The following RBFOX3 variants were observed in gnomAD, a reference collection of about 807,000 sequenced individuals.
The protein encoded by RBFOX3 is RNA binding fox-1 homolog 3.
Under a neutral mutation model 48.7 loss-of-function variants are expected in RBFOX3, and 17 were observed. That is an observed-to-expected ratio of 0.35 (90% CI 0.24 to 0.52). The LOEUF (loss-of-function observed/expected upper bound fraction) is 0.52. Ranked by LOEUF, RBFOX3 falls within the 20% of genes least tolerant of loss-of-function variation. The pLI is 0.94. For synonymous variants in RBFOX3, 212 were observed against 209.5 expected (o/e 1.01, Z -0.10); for missense variants, 382 against 497.5 (o/e 0.77, Z 2.21).
In RBFOX3 at chr17:79,430,607, G is replaced by A. The variant is rs908489518; in HGVS notation, c.-175+51847C>T. ...TGTCACCCAGGTGGAGTACAGTGGC[G>A]CCATCTCAGCTCACTGCAACCACCG... On this transcript the variant is annotated intron_variant, in intron 2 of 14. Coordinates refer to ENST00000693108, the MANE Select transcript of RBFOX3 (RefSeq NM_001350451.2). 8.5e-5 allele frequency among the ~76,000 whole-genome samples: 13 copies of A among 152,310 alleles called. No individual in the cohort carries two copies. The East Asian group carries it at 1.2e-3, about 14-fold the overall frequency.
upstream of RBFOX3, among the ~76,000 whole-genome samples, chr17:79,611,169 T>TCCTCTCTCTCTCTCTCTCTCTCTCTCG (rs1359138866): frequency 3.9e-5 from 1 of 25,908 alleles, no homozygotes. Flanking sequence ...TCTCTCTCTC[T>TCCTCTCTCTCTCTCTCTCTCTCTCTCG]CTCTCCGCCC....
At chr17:79,548,318 C>T (rs2090739870) in intron 1 of RBFOX3, among the ~76,000 whole-genome samples, 1 of 152,172 alleles carries the variant, frequency 6.6e-6, no homozygotes, top group Non-Finnish European at 1.5e-5. Flanking sequence ...TCTGGACACA[C>T]CCCCACCTCA....
chr17:79,152,016 GCT>G (rs2044638163), intron 4 of RBFOX3, among the ~76,000 whole-genome samples: 3 of 151,900 alleles, frequency 2.0e-5, no homozygotes, highest in African/African-American at 7.3e-5. Flanking sequence ...AGGGGAGAAC[GCT>G]AAGAAATGGG....
intron 2 of RBFOX3, among the ~76,000 whole-genome samples, chr17:79,346,669 T>C (rs1316319959): frequency 1.3e-5 from 2 of 152,320 alleles, no homozygotes; most frequent in South Asian, 2.1e-4. Flanking sequence ...TCAATATAGA[T>C]CAACATGGGG....
intron 4 of RBFOX3, among the ~76,000 whole-genome samples, chr17:79,161,900 C>T (rs1221998849): frequency 6.6e-6 from 1 of 152,200 alleles, no homozygotes; most frequent in Non-Finnish European, 1.5e-5. Context: ...GCCACACCCA[C>T]ACTCTGTGGG....
At chr17:79,510,615 G>A (rs1281106733) in intron 1 of RBFOX3, among the ~76,000 whole-genome samples, 2 of 152,234 alleles carry the variant, frequency 1.3e-5, no homozygotes, top group African/African-American at 4.8e-5. Flanking sequence ...GCCTGTCTGG[G>A]AGGGAGCAGA....
rs368668767 is a variant in RBFOX3 at position 79,219,714 on chromosome 17, C to G, written c.-34+16052G>C. On this transcript the variant is annotated intron_variant, in intron 4 of 14. Coordinates refer to ENST00000693108, the MANE Select transcript of RBFOX3 (RefSeq NM_001350451.2). ...TCTGGGCTCAGAGCTCCGGGGAGGT[C>G]GGCTGGGGCTCACAGCCATGCTTCA... 1.4e-4 allele frequency among the ~76,000 whole-genome samples: 21 copies of G among 152,120 alleles called. No homozygotes were observed. The East Asian group carries it at 2.1e-3, about 15-fold the overall frequency.
the RBFOX3 span, among the ~76,000 whole-genome samples, chr17:79,660,202 A>G: frequency 6.6e-6 from 1 of 152,164 alleles, no homozygotes; most frequent in East Asian, 1.9e-4. Context: ...AAAAAAATCA[A>G]AAATCAAAAA....
At chr17:79,365,446 CTGTGA>C (rs2057598161) in intron 2 of RBFOX3, among the ~76,000 whole-genome samples, 1 of 152,250 alleles carries the variant, frequency 6.6e-6, no homozygotes, top group South Asian at 2.1e-4. Context: ...CATTAAATGC[CTGTGA>C]TAACACTTTA....
At chr17:79,369,870 C>T (rs1384809563) in intron 2 of RBFOX3, among the ~76,000 whole-genome samples, 4 of 152,204 alleles carry the variant, frequency 2.6e-5, no homozygotes, top group Non-Finnish European at 5.9e-5. Flanking sequence ...CCCTCTTTCC[C>T]TCTCAAAGAA....
chr17:79,190,414 C>CAAAAAAAAA (rs71161650), intron 4 of RBFOX3, among the ~76,000 whole-genome samples: 9 of 93,510 alleles, frequency 9.6e-5, no homozygotes, highest in South Asian at 3.6e-4. Flanking sequence ...TCTGTCTCAC[C>CAAAAAAAAA]AAAAAAAAAA....
rs372817812 is a variant in RBFOX3 at position 79,477,332 on chromosome 17, G to A, written c.-175+5122C>T. On this transcript the variant is annotated intron_variant, in intron 2 of 14. Coordinates refer to ENST00000693108, the MANE Select transcript of RBFOX3 (RefSeq NM_001350451.2). This position sits in a 1 kb window ranked among gnomAD's most constrained non-coding sequence, Gnocchi z 4.8. ...AGCACTTTGGGAGGCCAAGGCAGGT[G>A]GATCACGAGGTCAGGAGATCGAGAT... Among the ~76,000 whole-genome samples, 14,636 of 150,270 alleles carry A rather than the reference G, an allele frequency of 0.097. 963 individuals carry two copies. The highest frequency in any genetic ancestry group is 0.24 in the East Asian group (1,211 of 5,038).
intron 1 of RBFOX3, among the ~76,000 whole-genome samples, chr17:79,511,941 G>A (rs2084322848): frequency 3.1e-5 from 4 of 130,942 alleles, no homozygotes; most frequent in African/African-American, 5.8e-5. Context: ...GTTACCATCG[G>A]ATACAGCCCC....
chr17:79,261,534 C>T (rs905630118), intron 3 of RBFOX3, among the ~76,000 whole-genome samples: 2 of 152,218 alleles, frequency 1.3e-5, no homozygotes, highest in Non-Finnish European at 2.9e-5. Flanking sequence ...CTGTGCGGCT[C>T]TCTCTCCCCG....
intron 2 of RBFOX3, among the ~76,000 whole-genome samples, chr17:79,333,828 C>T (rs2080777028): frequency 6.6e-6 from 1 of 152,160 alleles, no homozygotes; most frequent in Non-Finnish European, 1.5e-5. Context: ...TGCCCTTCAC[C>T]CCACGAGCAC....
chr17:79,383,298 C>T (rs999379903), intron 2 of RBFOX3, among the ~76,000 whole-genome samples: 3 of 152,240 alleles, frequency 2.0e-5, no homozygotes, highest in Non-Finnish European at 4.4e-5. Context: ...TCTAGAGGGT[C>T]TAACACGGCT....
intron 1 of RBFOX3, among the ~76,000 whole-genome samples, chr17:79,540,181 C>A (rs1555789807): frequency 6.6e-6 from 1 of 152,254 alleles, no homozygotes; most frequent in African/African-American, 2.4e-5. Flanking sequence ...CGTCACCCTC[C>A]AAGAACATTC....
At chr17:79,236,035 G>C (rs1013046814) in intron 3 of RBFOX3, among the ~76,000 whole-genome samples, 1 of 152,164 alleles carries the variant, frequency 6.6e-6, no homozygotes, top group African/African-American at 2.4e-5. Context: ...AAGCAAAACA[G>C]GGCACGGTGG....
chr17:79,277,642 G>T (rs1421785026), intron 3 of RBFOX3, among the ~76,000 whole-genome samples: 1 of 152,218 alleles, frequency 6.6e-6, no homozygotes, highest in Non-Finnish European at 1.5e-5. Flanking sequence ...GGCAGGGGTA[G>T]CATGTGGCGT....
Sources: allele counts gnomAD v4.1 joint callset (sites outside exome capture counted in the v4.1 genomes callset), GRCh38; gene constraint gnomAD v4.1.1; non-coding constraint Gnocchi (gnomAD v3.1); transcripts MANE v1.5; gene names NCBI Gene and HGNC (gene_info 2026-07-23, HGNC 2026-07-21).